The following CUX1 variants were observed in gnomAD, a reference collection of about 807,000 sequenced individuals.
The protein encoded by CUX1 is cut like homeobox 1.
In CUX1, 31 loss-of-function variants were observed where a neutral mutation model predicts 158.8. The ratio of observed to expected loss-of-function variants is 0.20; its 90% CI spans 0.15 to 0.26. The LOEUF is 0.26. Among genes scored for constraint, CUX1 ranks in the 10% least tolerant of loss-of-function variants. CUX1 has a pLI of 1.00. For missense variants in CUX1, 1,589 were observed against 2,014.6 expected (o/e 0.79, Z 4.04); for synonymous variants, 879 against 862.1 (o/e 1.02, Z -0.34).
At chr7:102,204,705 G>A (rs1795776324) in intron 19 of CUX1, 149 bp downstream of exon 19, 3 of 1,034,732 alleles carry the variant, frequency 2.9e-6, no homozygotes. Flanking sequence ...CTGGTGCTGG[G>A]GGACAGAACC....
chr7:102,022,761 TG>T (rs1819533411), intron 2 of CUX1, among the ~76,000 whole-genome samples: 1 of 152,268 alleles, frequency 6.6e-6, no homozygotes, highest in Non-Finnish European at 1.5e-5. Flanking sequence ...GGCATATGAT[TG>T]GAATTATCTC....
intron 4 of CUX1, among the ~76,000 whole-genome samples, chr7:102,077,322 G>C (rs1160615940): frequency 2.6e-5 from 4 of 151,846 alleles, no homozygotes; most frequent in Non-Finnish European, 5.9e-5. Context: ...AGCAGAAGAG[G>C]AAAAGGACCC....
intron 2 of CUX1, among the ~76,000 whole-genome samples, chr7:101,921,494 C>T (rs1804936997): frequency 6.6e-6 from 1 of 151,900 alleles, no homozygotes; most frequent in Non-Finnish European, 1.5e-5. Flanking sequence ...GAGTTTCACT[C>T]TTGATACCCA....
chr7:101,916,022 C>G lies in CUX1; in HGVS notation c.31-93C>G, dbSNP rs10231075. On this transcript the variant is annotated intron_variant, in intron 1 of 23. Coordinates refer to ENST00000292535, the MANE Select transcript of CUX1 (RefSeq NM_181552.4). This position sits in a 1 kb window ranked among gnomAD's most constrained non-coding sequence, Gnocchi z 4.4. ...ATGTTCCTTAGAGCCACTGGGGTCT[C>G]TCCCCCAGTGTTCTGGTCAAATGCA... 0.19 allele frequency: 163,072 copies of G among 853,690 alleles called. 18,535 individuals carry two copies. The highest frequency in any genetic ancestry group is 0.43 in the African/African-American group (25,775 of 60,120). The allele number at this position is 853,690 out of a possible 1,614,324, so 52.9% of individuals were successfully genotyped here. A position where few individuals can be genotyped will look rare whatever the true frequency, so the allele number is the denominator to read the frequency against.
At chr7:101,906,608 G>C (rs969440013) in intron 1 of CUX1, among the ~76,000 whole-genome samples, 1 of 152,004 alleles carries the variant, frequency 6.6e-6, no homozygotes, top group African/African-American at 2.4e-5. Context: ...GGCGCGCCCC[G>C]TGTCCTGGAG....
intron 22 of CUX1, among the ~76,000 whole-genome samples, chr7:102,236,817 A>G (rs1378060377): frequency 6.6e-6 from 1 of 151,990 alleles, no homozygotes; most frequent in Non-Finnish European, 1.5e-5. Context: ...CCGCAAATAC[A>G]TCTCCAGGGC....
intron 22 of CUX1, 75 bp downstream of exon 22, chr7:102,234,315 C>T (rs1799312330): frequency 7.5e-7 from 1 of 1,336,218 alleles, no homozygotes. Context: ...ATCTTTCACA[C>T]ACAGCTGATG....
chr7:102,080,259 G>A (rs1554478145), intron 4 of CUX1, among the ~76,000 whole-genome samples: 1 of 152,168 alleles, frequency 6.6e-6, no homozygotes, highest in Non-Finnish European at 1.5e-5. Context: ...GTGGAGAGGT[G>A]CGTCGTTTGT....
intron 1 of CUX1, among the ~76,000 whole-genome samples, chr7:101,832,495 G>T (rs1379564628): frequency 2.6e-5 from 4 of 152,174 alleles, no homozygotes; most frequent in Non-Finnish European, 2.9e-5. Context: ...CACCCAGTCA[G>T]TCCCCACAGG....
chr7:102,227,134 T>C (rs1419360460), intron 20 of CUX1, among the ~76,000 whole-genome samples: 1 of 152,156 alleles, frequency 6.6e-6, no homozygotes, highest in Non-Finnish European at 1.5e-5. Flanking sequence ...GAAGCCTTTC[T>C]TTTAAACCCC....
chr7:101,965,896 G>A (rs1811142512), intron 2 of CUX1, among the ~76,000 whole-genome samples: 1 of 150,234 alleles, frequency 6.7e-6, no homozygotes, highest in African/African-American at 2.4e-5. Context: ...GATTGAAAGA[G>A]GTTGAAGAGA....
rs1391442471 is a variant in CUX1, at chr7:102,257,284, TG to T, written c.*8244del. 2 of 984,612 alleles carry T rather than the reference TG, an allele frequency of 2.0e-6. No homozygotes were observed. The highest frequency in any genetic ancestry group is 2.4e-6 in the Non-Finnish European group (2 of 829,792). 61.0% of individuals were successfully genotyped at this position (984,612 alleles called of 1,614,324 possible). A position where few individuals can be genotyped will look rare whatever the true frequency, so the allele number is the denominator to read the frequency against. On this transcript the variant is annotated 3_prime_UTR_variant, in exon 24 of 24. Transcript: ENST00000292535. ...TGAAAGAAACCCTCCACCGAAACAA[TG>T]GTCCCCATCTCCCCAGAAGCCTTTT...
At chr7:101,868,649 G>A (rs1415324581) in intron 1 of CUX1, among the ~76,000 whole-genome samples, 2 of 152,194 alleles carry the variant, frequency 1.3e-5, no homozygotes, top group Non-Finnish European at 2.9e-5. Flanking sequence ...CTTCATGGGT[G>A]GGGTTACTGA....
Position 102,218,597 on chromosome 7 carries a change from G to A in CUX1, c.3131-8770G>A, listed in dbSNP as rs917001346. On this transcript the variant is annotated intron_variant, in intron 20 of 23. Transcript: ENST00000292535. ...CAGCTGCTCAGGAGGCTGGGGCAGA[G>A]GGATTGCTTGAGCCCAGGAGGTCGA... Among the ~76,000 whole-genome samples, 4 of 151,614 alleles carry A rather than the reference G, an allele frequency of 2.6e-5. No homozygotes were observed. In the East Asian group the frequency reaches 7.8e-4, roughly 30 times the overall value.
In CUX1 at chr7:102,204,574, A is replaced by G. The variant is rs1554520575; in HGVS notation, c.3073+18A>G. On this transcript the variant is annotated intron_variant, in intron 19 of 23. Transcript: ENST00000292535. ...AGGGCCAGGTAATGGGGGTCCTGCC[A>G]CAGGAGAGGGGCTGCCCCCCCATAG... 1 of 1,610,104 alleles carries G rather than the reference A, an allele frequency of 6.2e-7. No homozygotes were observed. The highest frequency in any genetic ancestry group is 2.2e-5 in the East Asian group (1 of 44,808).
chr7:102,056,906 G>GT (rs1253418455), intron 3 of CUX1, among the ~76,000 whole-genome samples: 27 of 77,656 alleles, frequency 3.5e-4, no homozygotes, highest in Middle Eastern at 5.3e-3. Flanking sequence ...TTTGTTTTCT[G>GT]GTTTTTTTTT....
At chr7:101,959,285 G>T (rs1416594110) in intron 2 of CUX1, 1 of 151,888 alleles carries the variant, frequency 6.6e-6, no homozygotes, top group Admixed American at 6.6e-5. Flanking sequence ...GCAAGAGAGC[G>T]TGGCTAAGAC....
chr7:102,075,207 G>A (rs1826577290), intron 4 of CUX1, among the ~76,000 whole-genome samples: 1 of 152,144 alleles, frequency 6.6e-6, no homozygotes, highest in African/African-American at 2.4e-5. Flanking sequence ...CCTCTAGGAT[G>A]TCTCAATTCC....
intron 2 of CUX1, among the ~76,000 whole-genome samples, chr7:102,004,822 C>T (rs1051772072): frequency 2.6e-5 from 4 of 152,164 alleles, no homozygotes; most frequent in African/African-American, 9.7e-5. Flanking sequence ...GGGAATTGAT[C>T]AGGGGTCCAC....
Sources: gnomAD v4.1 joint callset for allele counts (sites outside exome capture counted in the v4.1 genomes callset) on GRCh38, gnomAD v4.1.1 for gene constraint, Gnocchi (gnomAD v3.1) non-coding constraint, MANE v1.5 for transcripts, NCBI Gene and HGNC (gene_info 2026-07-23, HGNC 2026-07-21) for gene names.